RCAN2: variants seen among roughly 807,000 people sequenced by gnomAD.
RCAN2 encodes calcipressin-2.
RCAN2 carries 9 observed loss-of-function variants against 23.6 expected under a neutral mutation model. The ratio of observed to expected loss-of-function variants is 0.38; its 90% CI spans 0.23 to 0.67. The LOEUF is 0.67. Ranked by LOEUF, RCAN2 falls within the 30% of genes least tolerant of loss-of-function variation. RCAN2 has a pLI of 0.51. For synonymous variants in RCAN2, 109 were observed against 115.7 expected, an observed-to-expected ratio of 0.94 and a Z score of 0.37; for missense variants, 273 against 302.3, an observed-to-expected ratio of 0.90 and a Z score of 0.72.
Position 46,469,851 on chromosome 6 carries a change from C to G in RCAN2, c.-2-12873G>C, listed in dbSNP as rs564226505. Among the ~76,000 whole-genome samples the G allele has an allele frequency of 2.8e-4, 43 of 152,252 alleles. 1 individual carries two copies. The highest frequency in any genetic ancestry group is 6.2e-4 in the Non-Finnish European group (42 of 68,016). On this transcript the variant is annotated intron_variant, in intron 1 of 4. Coordinates refer to ENST00000371374, the MANE Select transcript of RCAN2 (RefSeq NM_001251974.2). ...GAGATTAAGGTACTTACAAAAGAGG[C>G]TTCATGTAGCATTCAGCTAGCTTGC...
chr6:46,288,112 T>C lies in RCAN2; in HGVS notation c.226-39216A>G, dbSNP rs114241553. On this transcript the variant is annotated intron_variant, in intron 2 of 4. Transcript: ENST00000371374. Reference sequence around the variant, plus strand: ...GACTTAAATAAGAACACAGTCAAGCTTTCAGTAGCAGACTCCCTCTTTTTG... The same window carrying C: ...GACTTAAATAAGAACACAGTCAAGCCTTCAGTAGCAGACTCCCTCTTTTTG... Among the ~76,000 whole-genome samples, 826 of 152,314 alleles carry C rather than the reference T, an allele frequency of 5.4e-3. 5 individuals are homozygous for C. The highest frequency in any genetic ancestry group is 0.018 in the African/African-American group (761 of 41,574).
At chr6:46,391,367 C>A (rs576209949) in intron 2 of RCAN2, among the ~76,000 whole-genome samples, 2 of 152,106 alleles carry the variant, frequency 1.3e-5, no homozygotes, top group South Asian at 2.1e-4. Flanking sequence ...GGCTGCTTAA[C>A]TGCAGCTGAT....
intron 2 of RCAN2, among the ~76,000 whole-genome samples, chr6:46,369,452 A>G (rs61160037): frequency 0.032 from 4,889 of 152,292 alleles, 252 homozygotes; most frequent in African/African-American, 0.11. Flanking sequence ...ACAGTATAAT[A>G]TGTTTGTTTA....
chr6:46,260,057 T>C (rs1345611768), intron 2 of RCAN2, among the ~76,000 whole-genome samples: 1 of 152,154 alleles, frequency 6.6e-6, no homozygotes, highest in African/African-American at 2.4e-5. Context: ...ACAGGCAGAA[T>C]TGATCACATC....
intron 2 of RCAN2, among the ~76,000 whole-genome samples, chr6:46,341,806 G>T (rs1299674947): frequency 1.3e-5 from 2 of 151,994 alleles, no homozygotes; most frequent in African/African-American, 4.8e-5. Context: ...CCAAAAAAAG[G>T]TATTTAGAAA....
chr6:46,225,019 G>A (rs1765612018), intron 4 of RCAN2, among the ~76,000 whole-genome samples: 1 of 151,264 alleles, frequency 6.6e-6, no homozygotes, highest in Non-Finnish European at 1.5e-5. Flanking sequence ...ACCTATGAGT[G>A]AGAATATGTG....
chr6:46,347,788 C>G (rs1383094257), intron 2 of RCAN2, among the ~76,000 whole-genome samples: 3 of 152,142 alleles, frequency 2.0e-5, no homozygotes, highest in Non-Finnish European at 4.4e-5. Context: ...AGTCATTGTT[C>G]AAAGTGCTCA....
chr6:46,453,541 A>G (rs1321187735), intron 2 of RCAN2, among the ~76,000 whole-genome samples: 1 of 152,262 alleles, frequency 6.6e-6, no homozygotes, highest in Admixed American at 6.5e-5. Context: ...GAATGTAAAT[A>G]GGACAGCAGA....
chr6:46,427,130 G>A (rs926276234), intron 2 of RCAN2, among the ~76,000 whole-genome samples: 1 of 152,136 alleles, frequency 6.6e-6, no homozygotes, highest in East Asian at 1.9e-4. Context: ...TAAATGTTTT[G>A]AATAACTGGA....
At chr6:46,420,438 A>G (rs1039017766) in intron 2 of RCAN2, among the ~76,000 whole-genome samples, 5 of 152,310 alleles carry the variant, frequency 3.3e-5, no homozygotes, top group Non-Finnish European at 7.4e-5. Context: ...CACAGCATGA[A>G]GAAGTGATTC....
intron 2 of RCAN2, among the ~76,000 whole-genome samples, chr6:46,444,588 G>C (rs369442461): frequency 7.2e-5 from 11 of 152,032 alleles, no homozygotes; most frequent in Admixed American, 2.0e-4. Context: ...TGCCAGGTTG[G>C]CAACCCTGGC....
intron 4 of RCAN2, among the ~76,000 whole-genome samples, chr6:46,239,002 A>G (rs1027639219): frequency 6.6e-6 from 1 of 152,246 alleles, no homozygotes; most frequent in African/African-American, 2.4e-5. Flanking sequence ...TGATTTTACT[A>G]TTGAAGAAGC....
chr6:46,296,708 T>C (rs149274168), intron 2 of RCAN2, among the ~76,000 whole-genome samples: 7 of 152,272 alleles, frequency 4.6e-5, no homozygotes, highest in East Asian at 1.9e-4. Flanking sequence ...TATTTGTACA[T>C]ACATATTTCT....
intron 2 of RCAN2, among the ~76,000 whole-genome samples, chr6:46,274,002 C>T (rs1337617621): frequency 6.6e-6 from 1 of 152,104 alleles, no homozygotes; most frequent in African/African-American, 2.4e-5. Flanking sequence ...GATGAGGAGT[C>T]AGCTGAATGG....
chr6:46,378,668 G>C (rs1582154645), intron 2 of RCAN2, among the ~76,000 whole-genome samples: 2 of 152,192 alleles, frequency 1.3e-5, no homozygotes, highest in East Asian at 3.9e-4. Flanking sequence ...AGGGGGGTTA[G>C]TCACATGGAG....
At chr6:46,310,640 AT>A (rs1763226432) in intron 2 of RCAN2, among the ~76,000 whole-genome samples, 2 of 152,172 alleles carry the variant, frequency 1.3e-5, no homozygotes, top group African/African-American at 4.8e-5. Context: ...GTACTGGCAA[AT>A]AAATAGCTGT....
chr6:46,354,827 C>A (rs945823362), intron 2 of RCAN2, among the ~76,000 whole-genome samples: 1 of 151,516 alleles, frequency 6.6e-6, no homozygotes, highest in Non-Finnish European at 1.5e-5. Flanking sequence ...AATTATTGAA[C>A]AAAATATTTA....
At chr6:46,455,875 A>G (rs1205127618) in intron 2 of RCAN2, among the ~76,000 whole-genome samples, 4 of 150,512 alleles carry the variant, frequency 2.7e-5, no homozygotes, top group Non-Finnish European at 5.9e-5. Flanking sequence ...AAAGAAAGAA[A>G]GAAAGAAAGA....
chr6:46,486,502 A>C (rs150479232), intron 1 of RCAN2, among the ~76,000 whole-genome samples: 2 of 152,354 alleles, frequency 1.3e-5, no homozygotes, highest in East Asian at 3.9e-4. Flanking sequence ...AGAAGTACTA[A>C]GGCATGGCCC....
Sources: gnomAD v4.1 joint callset for allele counts (sites outside exome capture counted in the v4.1 genomes callset) on GRCh38, gnomAD v4.1.1 for gene constraint, MANE v1.5 for transcripts, NCBI Gene and HGNC (gene_info 2026-07-23, HGNC 2026-07-21) for gene names.